Variants in ADGRL2 observed in about 807,000 individuals in gnomAD.
The protein encoded by ADGRL2 is calcium-independent alpha-latrotoxin receptor 2.
In ADGRL2, 44 loss-of-function variants were observed where a neutral mutation model predicts 157.4. The ratio of observed to expected loss-of-function variants is 0.28; its 90% CI spans 0.22 to 0.36. ADGRL2 has a LOEUF of 0.36. Ranked by LOEUF, ADGRL2 falls within the 10% of genes least tolerant of loss-of-function variation. ADGRL2 has a pLI of 1.00. For missense variants in ADGRL2, 1,510 were observed against 1,768.9 expected, an observed-to-expected ratio of 0.85 and a Z score of 2.63; for synonymous variants, 585 against 624.7, an observed-to-expected ratio of 0.94 and a Z score of 0.95.
At chr1:81,489,372 G>T (rs2078581147) in intron 2 of ADGRL2, among the ~76,000 whole-genome samples, 1 of 152,038 alleles carries the variant, frequency 6.6e-6, no homozygotes. Context: ...GCAGACAGAA[G>T]AATCAGCAAA....
At chr1:81,646,325 C>A (rs1003909554) in intron 3 of ADGRL2, among the ~76,000 whole-genome samples, 6 of 152,136 alleles carry the variant, frequency 3.9e-5, no homozygotes, top group Admixed American at 6.6e-5. Context: ...AAAATTATTT[C>A]TTGGACTAGG....
intron 2 of ADGRL2, among the ~76,000 whole-genome samples, chr1:81,871,089 C>T (rs1348450870): frequency 1.7e-5 from 2 of 115,792 alleles, no homozygotes; most frequent in African/African-American, 3.2e-5. Flanking sequence ...TCCCCCCTCC[C>T]CCCACCCCCA....
At chr1:81,357,295 C>G (rs957923374) in intron 1 of ADGRL2, among the ~76,000 whole-genome samples, 1 of 152,134 alleles carries the variant, frequency 6.6e-6, no homozygotes, top group Non-Finnish European at 1.5e-5. Context: ...CTCCCAGATT[C>G]CCTCTCTCTT....
intron 11 of ADGRL2, among the ~76,000 whole-genome samples, chr1:81,956,668 C>T (rs1021440850): frequency 3.3e-5 from 5 of 152,010 alleles, no homozygotes; most frequent in Non-Finnish European, 7.4e-5. Context: ...GAAAGAAATA[C>T]AGTAAAATTT....
At chr1:81,722,516 G>A (rs1235920602) in intron 1 of ADGRL2, 7 of 1,557,662 alleles carry the variant, frequency 4.5e-6, no homozygotes, top group South Asian at 2.2e-5. Flanking sequence ...CTGTGACAGA[G>A]CCATGAAATA....
chr1:81,387,038 G>A (rs2076449435), intron 1 of ADGRL2, among the ~76,000 whole-genome samples: 1 of 152,100 alleles, frequency 6.6e-6, no homozygotes, highest in South Asian at 2.1e-4. Flanking sequence ...GAAAATTTTA[G>A]TATAGTTCTG....
At chr1:81,576,186 A>C (rs1240760084) in intron 2 of ADGRL2, among the ~76,000 whole-genome samples, 2 of 152,194 alleles carry the variant, frequency 1.3e-5, no homozygotes, top group Non-Finnish European at 2.9e-5. Flanking sequence ...GTAAACTCAC[A>C]CCTCAAACAC....
chr1:81,395,484 A>G (rs1311898025), intron 1 of ADGRL2, among the ~76,000 whole-genome samples: 1 of 152,096 alleles, frequency 6.6e-6, no homozygotes, highest in Non-Finnish European at 1.5e-5. Context: ...ATTTTCTCCC[A>G]TTCTGCTAGT....
intron 1 of ADGRL2, among the ~76,000 whole-genome samples, chr1:81,320,240 T>C (rs1300068719): frequency 6.6e-6 from 1 of 152,228 alleles, no homozygotes; most frequent in Non-Finnish European, 1.5e-5. Context: ...TAGTTCAATT[T>C]GATAGTTCCA....
intron 1 of ADGRL2, among the ~76,000 whole-genome samples, chr1:81,751,714 G>A (rs960961782): frequency 6.6e-6 from 1 of 152,028 alleles, no homozygotes; most frequent in Non-Finnish European, 1.5e-5. Flanking sequence ...GATTTCAGTG[G>A]TTGTATTTCA....
intron 1 of ADGRL2, among the ~76,000 whole-genome samples, chr1:81,422,802 C>T (rs1467295334): frequency 6.6e-6 from 1 of 152,118 alleles, no homozygotes; most frequent in Non-Finnish European, 1.5e-5. Flanking sequence ...TCAAATAATA[C>T]ATACAAAGTA....
chr1:81,417,161 T>C (rs1162231744), intron 1 of ADGRL2, among the ~76,000 whole-genome samples: 1 of 152,180 alleles, frequency 6.6e-6, no homozygotes, highest in Non-Finnish European at 1.5e-5. Flanking sequence ...ACAAAATCTG[T>C]TGCGACCCAT....
intron 3 of ADGRL2, among the ~76,000 whole-genome samples, chr1:81,931,286 A>G (rs1347092777): frequency 6.6e-6 from 1 of 152,234 alleles, no homozygotes; most frequent in Non-Finnish European, 1.5e-5. Context: ...TTTTAATGTC[A>G]GAAATAATAC....
chr1:81,939,718 TGTA>T (rs552759531), intron 4 of ADGRL2, among the ~76,000 whole-genome samples: 127 of 151,554 alleles, frequency 8.4e-4, no homozygotes, highest in African/African-American at 2.9e-3. Context: ...TAAGACAAGT[TGTA>T]GTATATATTT....
intron 2 of ADGRL2, among the ~76,000 whole-genome samples, chr1:81,572,230 C>G (rs916415865): frequency 1.3e-5 from 2 of 152,142 alleles, no homozygotes; most frequent in African/African-American, 2.4e-5. Context: ...ACTTTGAGGC[C>G]AAGCATTATA....
At chr1:81,596,228 A>G (rs2081230514) in intron 3 of ADGRL2, 1 of 579,024 alleles carries the variant, frequency 1.7e-6, no homozygotes. Context: ...TCTCAAAAGG[A>G]CTGTGCAAGT....
chr1:81,488,297 T>C (rs1425330669), intron 2 of ADGRL2, among the ~76,000 whole-genome samples: 2 of 152,010 alleles, frequency 1.3e-5, no homozygotes, highest in Non-Finnish European at 2.9e-5. Flanking sequence ...AGAGAGTGCC[T>C]ACAACAATAC....
chr1:81,591,048 C>T (rs530997920), intron 3 of ADGRL2, among the ~76,000 whole-genome samples: 41 of 152,248 alleles, frequency 2.7e-4, no homozygotes, highest in African/African-American at 8.7e-4. Flanking sequence ...CCATCAATTC[C>T]CTAGCTGGGT....
At chr1:81,454,342 CCTT>C (rs2077759902) in intron 2 of ADGRL2, among the ~76,000 whole-genome samples, 1 of 152,124 alleles carries the variant, frequency 6.6e-6, no homozygotes, top group Non-Finnish European at 1.5e-5. Context: ...TATGCACAAA[CCTT>C]CTGTTTGGTT....
Sources: gnomAD v4.1 joint callset for allele counts (sites outside exome capture counted in the v4.1 genomes callset) on GRCh38, gnomAD v4.1.1 for gene constraint, MANE v1.5 for transcripts, NCBI Gene and HGNC (gene_info 2026-07-23, HGNC 2026-07-21) for gene names.